NRAP: variants seen among roughly 807,000 people sequenced by gnomAD.
NRAP encodes the protein nebulin related anchoring protein.
A neutral mutation model predicts 225.9 loss-of-function variants in NRAP; 189 were observed. That is an observed-to-expected ratio of 0.84 (90% CI 0.74 to 0.94). The LOEUF is 0.94. Among genes scored for constraint, NRAP ranks in the 40% least tolerant of loss-of-function variants. The pLI, the probability that NRAP is intolerant of heterozygous loss-of-function variation, is 0.00. For synonymous variants in NRAP, 769 were observed against 790.7 expected (o/e 0.97, Z 0.46); for missense variants, 2,176 against 2,168.7 (o/e 1.00, Z -0.07).
At chr10:113,651,463 T>C (rs1849960747) in intron 7 of NRAP, among the ~76,000 whole-genome samples, 1 of 152,144 alleles carries the variant, frequency 6.6e-6, no homozygotes, top group South Asian at 2.1e-4. Context: ...CCGGCATGCA[T>C]TAGCTATTTA....
At chr10:113,620,566 T>C in intron 25 of NRAP, 38 bp downstream of exon 25, 3 of 1,290,152 alleles carry the variant, frequency 2.3e-6, no homozygotes, top group Non-Finnish European at 3.4e-6. Flanking sequence ...GCACGCCTAA[T>C]GCAGCCAGGC....
intron 37 of NRAP, among the ~76,000 whole-genome samples, chr10:113,596,455 G>A (rs547246346): frequency 2.0e-5 from 3 of 152,318 alleles, no homozygotes; most frequent in East Asian, 3.9e-4. Flanking sequence ...CTGTCACTGT[G>A]CATGTAGAAC....
chr10:113,589,833 G>T (rs376381578), intron 40 of NRAP, 36 bp from the exon 41 acceptor site: 7 of 1,608,514 alleles, frequency 4.4e-6, no homozygotes, highest in Non-Finnish European at 5.1e-6. Context: ...GAATATGTCA[G>T]CAGGGTTTGG....
intron 35 of NRAP, among the ~76,000 whole-genome samples, chr10:113,598,725 C>G (rs534326748): frequency 6.6e-6 from 1 of 152,206 alleles, no homozygotes; most frequent in South Asian, 2.1e-4. Context: ...ATGCCACCAG[C>G]TAATAGTGAG....
intron 5 of NRAP, 36 bp from the exon 6 acceptor site, chr10:113,653,075 G>A (rs1440913620): frequency 1.7e-6 from 2 of 1,177,750 alleles, no homozygotes; most frequent in Non-Finnish European, 2.4e-6. Flanking sequence ...TGAGAACTGA[G>A]ATGATATTGA....
intron 24 of NRAP, among the ~76,000 whole-genome samples, chr10:113,621,250 A>G (rs1847969069): frequency 6.6e-6 from 1 of 152,066 alleles, no homozygotes; most frequent in African/African-American, 2.4e-5. Flanking sequence ...ATTTAAATGG[A>G]CACTTCTCTA....
Position 113,651,835 on chromosome 10 carries a change from G to T in NRAP, c.643C>A (p.Arg215=). ...STVVDTPELL[R]SKAGAQLQSD... is the part of the protein sequence containing the mutation. ...TGAAGCTGTGCCCCAGCCTTGCTCC[G>T]TAGCAGCTCAGGAGTATCCACCACC... is the stretch of plus-strand genomic sequence containing the variant. Residue 215 remains arginine, a synonymous_variant, in exon 7 of 42, where the codon CGG becomes AGG. Coordinates refer to ENST00000359988, the MANE Select transcript of NRAP (RefSeq NM_198060.4). 1.2e-6 allele frequency: 2 copies of T among 1,612,652 alleles called. No homozygotes were observed. The highest frequency in any genetic ancestry group is 1.7e-6 in the Non-Finnish European group (2 of 1,178,862).
chr10:113,650,637 A>G lies in NRAP; in HGVS notation c.676-92T>C, dbSNP rs1849899480. The G allele has an allele frequency of 6.1e-6, 5 of 824,526 alleles. No individual in the cohort carries two copies. In the Admixed American group the frequency reaches 9.7e-5, roughly 16 times the overall value. 51.1% of individuals were successfully genotyped at this position (824,526 alleles called of 1,614,324 possible). A position where few individuals can be genotyped will look rare whatever the true frequency, so the allele number is the denominator to read the frequency against. On this transcript the variant is annotated intron_variant, in intron 7 of 41. Coordinates refer to ENST00000359988, the MANE Select transcript of NRAP (RefSeq NM_198060.4). ...CTAAGGGTTCCATGACATCCTGCCC[A>G]TCTCCTGTCATAGCTCATAAGGCAC...
rs145074357 is a variant in NRAP, at chr10:113,640,212, TG to T, written c.1428+14del. 1,640 of 1,477,902 alleles carry T rather than the reference TG, an allele frequency of 1.1e-3. 16 individuals carry two copies. In the African/African-American group the frequency reaches 0.018, roughly 16 times the overall value. The allele number at this position is 1,477,902 out of a possible 1,614,324, so 91.5% of individuals were successfully genotyped here. A position where few individuals can be genotyped will look rare whatever the true frequency, so the allele number is the denominator to read the frequency against. On this transcript the variant is annotated intron_variant, in intron 14 of 41. Transcript: ENST00000359988. ...CAAGTGACAAAGCAGAAAGAGCTGT[TG>T]GAAAAGAACTTACATCTTTCAAGGG...
intron 1 of NRAP, 110 bp from the exon 2 acceptor site, chr10:113,663,556 A>T: frequency 2.7e-6 from 2 of 729,652 alleles, no homozygotes; most frequent in South Asian, 1.8e-5. Context: ...TGCTGATTTT[A>T]AAAAAATTAA....
chr10:113,649,952 C>G (rs1415144880), intron 9 of NRAP, 85 bp downstream of exon 9: 2 of 782,604 alleles, frequency 2.6e-6, no homozygotes, highest in Non-Finnish European at 4.5e-6. Flanking sequence ...AGCCCCACCC[C>G]TGATTAAATT....
intron 38 of NRAP, among the ~76,000 whole-genome samples, chr10:113,594,877 G>A (rs995200973): frequency 2.6e-5 from 4 of 152,224 alleles, no homozygotes; most frequent in African/African-American, 9.6e-5. Context: ...AGGGAAGAAT[G>A]GCCGGACTCT....
Position 113,588,924 on chromosome 10 carries a change from C to T in NRAP, c.*51G>A, listed in dbSNP as rs1845746633. Reference sequence around the variant, plus strand: ...AATCAAAGCCATCTGAAGCCTGTCTCTGGTGAACAAACTTCCTCTCTGGCC... The same window carrying T: ...AATCAAAGCCATCTGAAGCCTGTCTTTGGTGAACAAACTTCCTCTCTGGCC... On this transcript the variant is annotated 3_prime_UTR_variant, in exon 42 of 42. Transcript: ENST00000359988. 3 of 1,446,588 alleles carry T rather than the reference C, an allele frequency of 2.1e-6. No homozygotes were observed. The highest frequency in any genetic ancestry group is 1.4e-5 in the African/African-American group (1 of 71,638). 89.6% of individuals were successfully genotyped at this position (1,446,588 alleles called of 1,614,324 possible).
chr10:113,609,696 T>G (rs895500241), intron 31 of NRAP, among the ~76,000 whole-genome samples: 9 of 152,168 alleles, frequency 5.9e-5, no homozygotes, highest in African/African-American at 2.2e-4. Flanking sequence ...GTATACCCAT[T>G]TGACTAATTA....
intron 38 of NRAP, among the ~76,000 whole-genome samples, chr10:113,594,517 C>A (rs1440833604): frequency 6.6e-6 from 1 of 152,158 alleles, no homozygotes; most frequent in Non-Finnish European, 1.5e-5. Context: ...CAAATGGAGG[C>A]CTTGCCTTCC....
Position 113,606,736 on chromosome 10 carries a change from C to G in NRAP, c.3703-454G>C, listed in dbSNP as rs368206982. Among the ~76,000 whole-genome samples the G allele has an allele frequency of 1.7e-4, 26 of 152,280 alleles. No individual in the cohort carries two copies. The South Asian group carries it at 5.4e-3, about 32-fold the overall frequency. On this transcript the variant is annotated intron_variant, in intron 32 of 41. Coordinates refer to ENST00000359988, the MANE Select transcript of NRAP (RefSeq NM_198060.4). ...ATCACACCAATGCTGCCCTGGATGG[C>G]CTCATCTTGTACAAAAACATCCATT...
chr10:113,620,720 G>T lies in NRAP; in HGVS notation c.2770-12C>A. ...GCCCTGTATTGGTTCTGACAAAGGA[G>T]AAAGAAAAAAAAAAAAAGCAGGCCA... On this transcript the variant is annotated splice_polypyrimidine_tract_variant and intron_variant, in intron 24 of 41. Coordinates refer to ENST00000359988, the MANE Select transcript of NRAP (RefSeq NM_198060.4). 8.1e-6 allele frequency: 12 copies of T among 1,473,658 alleles called. No individual in the cohort carries two copies. Among genetic ancestry groups the T allele is most frequent in the Non-Finnish European group, 1.0e-5 (11 of 1,083,094 alleles). The allele number at this position is 1,473,658 out of a possible 1,614,324, so 91.3% of individuals were successfully genotyped here.
intron 32 of NRAP, among the ~76,000 whole-genome samples, chr10:113,606,671 G>C (rs1021219257): frequency 4.6e-5 from 7 of 152,206 alleles, no homozygotes; most frequent in African/African-American, 1.7e-4. Flanking sequence ...ACCCAGGCCT[G>C]TACCCTTTAC....
At chr10:113,625,041 G>A (rs1021436908) in intron 21 of NRAP, 111 bp from the exon 22 acceptor site, 5 of 680,476 alleles carry the variant, frequency 7.3e-6, no homozygotes, top group Non-Finnish European at 1.3e-5. Flanking sequence ...TGCACAGAAA[G>A]TCCATTACAA....
Sources: gnomAD v4.1 joint callset for allele counts (sites outside exome capture counted in the v4.1 genomes callset) on GRCh38, gnomAD v4.1.1 for gene constraint, MANE v1.5 for transcripts, NCBI Gene and HGNC (gene_info 2026-07-23, HGNC 2026-07-21) for gene names.